SEC14L6: variants seen among roughly 807,000 people sequenced by gnomAD.
SEC14L6 encodes SEC14-like protein 6.
A neutral mutation model predicts 54.1 loss-of-function variants in SEC14L6; 40 were observed. The observed-to-expected ratio is 0.74, with a 90% CI of 0.57 to 0.96. SEC14L6 has a LOEUF of 0.96. Ranked by LOEUF, SEC14L6 falls within the 40% of genes least tolerant of loss-of-function variation. SEC14L6 has a pLI of 0.00. For missense variants in SEC14L6, 471 were observed against 498.3 expected, an observed-to-expected ratio of 0.95 and a Z score of 0.52; for synonymous variants, 171 against 198.4, an observed-to-expected ratio of 0.86 and a Z score of 1.16.
chr22:30,529,555 G>A (rs1568965186), intron 6 of SEC14L6, among the ~76,000 whole-genome samples: 3 of 152,032 alleles, frequency 2.0e-5, no homozygotes, highest in African/African-American at 7.2e-5. Context: ...TTGGATCCTA[G>A]TCATAGACCT....
chr22:30,532,782 T>G lies in SEC14L6; in HGVS notation c.234+15A>C, dbSNP rs1207560718. On this transcript the variant is annotated intron_variant, in intron 4 of 11. Transcript: ENST00000402034. ...AGGGCCCAGGGATCAGGGTATGGGT[T>G]TGAGAGATGCTCACCTCTGGGGGCT... 1 of 1,611,432 alleles carries G rather than the reference T, an allele frequency of 6.2e-7. No homozygotes were observed. The highest frequency in any genetic ancestry group is 2.2e-5 in the East Asian group (1 of 44,832).
In SEC14L6 at chr22:30,532,591, C is replaced by G. The variant is rs1293020362; in HGVS notation, c.357G>C (p.Glu119Asp). 1 of 1,550,648 alleles carries G rather than the reference C, an allele frequency of 6.4e-7. No individual in the cohort carries two copies. Among genetic ancestry groups the G allele is most frequent in the Non-Finnish European group, 8.7e-7 (1 of 1,147,014 alleles). The change falls in exon 5 of 12, where the codon GAG (glutamate) becomes GAC (aspartate). Residue 119 changes from glutamate (E) to aspartate (D), a missense_variant. Glu to Asp is a conservative substitution (Grantham distance 45). Coordinates refer to ENST00000402034, the MANE Select transcript of SEC14L6 (RefSeq NM_001193336.4). ...KGLLLSASKQ[E>D]LLRDSFRSCE... ...AGCTCCGGAAGCTGTCCCTGAGCAA[C>G]TCCTGTTTGGAGGCTGAGAGCAAGA... is the stretch of plus-strand genomic sequence containing the variant.
chr22:30,543,854 A>G, intron 1 of SEC14L6: 1 of 1,519,106 alleles, frequency 6.6e-7, no homozygotes, highest in South Asian at 1.1e-5. Context: ...GATATCACAT[A>G]TGCGGACCTG....
In SEC14L6 at chr22:30,533,370, G is replaced by A. The variant is rs62227008; in HGVS notation, c.175-514C>T. 2.6e-5 allele frequency among the ~76,000 whole-genome samples: 4 copies of A among 152,164 alleles called. 1 individual carries two copies. The highest frequency in any genetic ancestry group is 4.4e-5 in the Non-Finnish European group (3 of 68,028). The stretch of plus-strand genomic sequence containing the variant: ...AATCCCAGCATTTTGGGAGGCCAAG[G>A]TGGGTGGATCACCCGAGGTCAGGAG... On this transcript the variant is annotated intron_variant, in intron 3 of 11. Transcript: ENST00000402034.
chr22:30,539,029 C>A, intron 1 of SEC14L6, 127 bp from the exon 2 acceptor site: 1 of 636,144 alleles, frequency 1.6e-6, no homozygotes, highest in Non-Finnish European at 2.8e-6. Flanking sequence ...GATCAGGGTC[C>A]GGGTCAAGCC....
intron 1 of SEC14L6, 72 bp downstream of exon 1, chr22:30,546,557 C>A: frequency 7.1e-7 from 1 of 1,403,180 alleles, no homozygotes. Flanking sequence ...AACTCAGGGA[C>A]CTTGAGTCCT....
chr22:30,543,808 G>T, intron 1 of SEC14L6: 1 of 1,507,174 alleles, frequency 6.6e-7, no homozygotes, highest in East Asian at 2.3e-5. Context: ...GCATGAACCC[G>T]AGAAGAATGC....
intron 8 of SEC14L6, among the ~76,000 whole-genome samples, chr22:30,526,827 G>A (rs1936795495): frequency 6.6e-6 from 1 of 152,230 alleles, no homozygotes; most frequent in African/African-American, 2.4e-5. Context: ...CAGACATGGT[G>A]GCTCACGCCT....
intron 5 of SEC14L6, 40 bp from the exon 6 acceptor site, chr22:30,532,038 A>G: frequency 1.3e-6 from 2 of 1,540,562 alleles, no homozygotes; most frequent in Middle Eastern, 3.4e-4. Flanking sequence ...TGTGAGGGCC[A>G]CTGCCCCCAC....
intron 1 of SEC14L6, chr22:30,544,366 G>A (rs1169580670): frequency 7.0e-6 from 2 of 287,168 alleles, no homozygotes; most frequent in Non-Finnish European, 1.3e-5. Context: ...AAGAACTCTT[G>A]TGCCTCCGTC....
chr22:30,531,774 G>T, intron 6 of SEC14L6, 129 bp downstream of exon 6: 1 of 646,716 alleles, frequency 1.5e-6, no homozygotes. Flanking sequence ...CTTGTGGGCA[G>T]TACCTGTGGG....
chr22:30,546,579 T>C, intron 1 of SEC14L6, 50 bp downstream of exon 1: 2 of 1,503,584 alleles, frequency 1.3e-6, no homozygotes, highest in Non-Finnish European at 1.8e-6. Context: ...CCCTTCCCCG[T>C]GGCAGAAGGA....
intron 2 of SEC14L6, among the ~76,000 whole-genome samples, chr22:30,537,856 T>A (rs1401450637): frequency 6.6e-6 from 1 of 152,224 alleles, no homozygotes; most frequent in Non-Finnish European, 1.5e-5. Flanking sequence ...TTTCTGTCTA[T>A]AAAGCCAAAC....
rs772095224 is a variant in SEC14L6, at chr22:30,525,357, G to A, written c.1074C>T (p.Ala358=). The A allele has an allele frequency of 4.0e-5, 65 of 1,614,016 alleles. No homozygotes were observed. Among genetic ancestry groups the A allele is most frequent in the Middle Eastern group, 3.3e-4 (2 of 6,062 alleles). ...ATCCCTGCCAACTCTTACAGCTGCC[G>A]GCCTGGAGGCAGGTGAGAATCCCAT... ...PEDGILTCLQ[A]GSYVLRFYNT... Residue 358 remains alanine (A), a synonymous_variant, in exon 11 of 12, where the codon GCC becomes GCT. Transcript: ENST00000402034.
chr22:30,537,116 C>G (rs569223163), intron 2 of SEC14L6, among the ~76,000 whole-genome samples: 1 of 151,838 alleles, frequency 6.6e-6, no homozygotes, highest in Non-Finnish European at 1.5e-5. Flanking sequence ...AGTATTTCCA[C>G]TCCTTGTACT....
chr22:30,538,283 AGATCAC>A (rs1391190321), intron 2 of SEC14L6, among the ~76,000 whole-genome samples: 1 of 151,678 alleles, frequency 6.6e-6, no homozygotes, highest in East Asian at 1.9e-4. Flanking sequence ...CAGTGAGCCG[AGATCAC>A]GCCACTGCAC....
chr22:30,543,903 G>A (rs751823534), intron 1 of SEC14L6: 21 of 1,598,388 alleles, frequency 1.3e-5, no homozygotes, highest in East Asian at 2.2e-5. Flanking sequence ...CCCGGGCCGC[G>A]GAGCCCAACA....
chr22:30,532,670 C>G lies in SEC14L6; in HGVS notation c.278G>C (p.Gly93Ala). The G allele has an allele frequency of 6.4e-7, 1 of 1,551,790 alleles. No individual in the cohort carries two copies. The highest frequency in any genetic ancestry group is 1.4e-5 in the African/African-American group (1 of 73,216). Residue 93 changes from glycine to alanine, a missense_variant, in exon 5 of 12, where the codon GGT (glycine) becomes GCT (alanine). By Grantham distance (60) the Gly-to-Ala change is moderately conservative. Transcript: ENST00000402034. ...GTGGTACCAGACAGGGCTGCCCTCA[C>G]CGTCGTGGCCGCATATGCCGTTAGC... ...YNANGICGHD[G>A]EGSPVWYHIV...
Position 30,544,174 on chromosome 22 carries a change from G to A in SEC14L6, c.54+2455C>T, listed in dbSNP as rs530338688. The A allele has an allele frequency of 1.5e-4, 136 of 919,544 alleles. No individual in the cohort carries two copies. The African/African-American group carries it at 1.6e-3, about 11-fold the overall frequency. The allele number at this position is 919,544 out of a possible 1,614,324, so 57.0% of individuals were successfully genotyped here. A position where few individuals can be genotyped will look rare whatever the true frequency, so the allele number is the denominator to read the frequency against. On this transcript the variant is annotated intron_variant, in intron 1 of 11. Transcript: ENST00000402034. ...GATGAGCACAGCCAGCCCAGTTCCC[G>A]GAGGGCTGGGGCGGTGCAGGCTCTG...
Sources: allele counts gnomAD v4.1 joint callset (sites outside exome capture counted in the v4.1 genomes callset), GRCh38; gene constraint gnomAD v4.1.1; transcripts MANE v1.5; gene names NCBI Gene and HGNC (gene_info 2026-07-23, HGNC 2026-07-21).